The following LCA5 variants were observed in gnomAD, a reference collection of about 807,000 sequenced individuals.
LCA5 encodes lebercilin.
A neutral mutation model predicts 53.0 loss-of-function variants in LCA5; 37 were observed. The observed-to-expected ratio is 0.70, with a 90% CI of 0.54 to 0.92. The LOEUF is 0.92. LCA5 is among the 40% of genes least tolerant of loss of function. The pLI, the probability that LCA5 is intolerant of heterozygous loss-of-function variation, is 0.00. For synonymous variants in LCA5, 303 were observed against 282.9 expected (o/e 1.07, Z -0.71); for missense variants, 806 against 790.5 (o/e 1.02, Z -0.23).
At chr6:79,490,942 C>T (rs1769820215) in intron 6 of LCA5, among the ~76,000 whole-genome samples, 1 of 151,928 alleles carries the variant, frequency 6.6e-6, no homozygotes, top group Admixed American at 6.6e-5. Flanking sequence ...CCAACAGAGA[C>T]CCCTTGAATT....
chr6:79,530,846 A>C (rs1004182863), intron 1 of LCA5, among the ~76,000 whole-genome samples: 3 of 152,204 alleles, frequency 2.0e-5, no homozygotes, highest in African/African-American at 7.2e-5. Flanking sequence ...ATAGAATATA[A>C]GTTAAATAAA....
chr6:79,501,993 G>A (rs189820258), intron 3 of LCA5, among the ~76,000 whole-genome samples: 16 of 152,122 alleles, frequency 1.1e-4, no homozygotes, highest in Admixed American at 5.9e-4. Context: ...GCAGGGCAGT[G>A]GGGGGAAGAA....
intron 4 of LCA5, among the ~76,000 whole-genome samples, chr6:79,493,397 G>A (rs1769893051): frequency 6.6e-6 from 1 of 152,006 alleles, no homozygotes; most frequent in African/African-American, 2.4e-5. Flanking sequence ...TTCTATTGGT[G>A]TATTCAGTGT....
intron 3 of LCA5, among the ~76,000 whole-genome samples, chr6:79,503,839 T>C (rs1275051501): frequency 3.3e-5 from 5 of 152,378 alleles, no homozygotes; most frequent in Non-Finnish European, 1.5e-5. Flanking sequence ...CAGAACTTAA[T>C]AGGTTAAAGG....
intron 3 of LCA5, among the ~76,000 whole-genome samples, chr6:79,495,800 A>G (rs1428771391): frequency 1.3e-5 from 2 of 151,694 alleles, no homozygotes; most frequent in Non-Finnish European, 2.9e-5. Flanking sequence ...GGTTTCACAC[A>G]CTGCAAATAC....
chr6:79,509,381 G>T (rs935569802), intron 3 of LCA5, among the ~76,000 whole-genome samples: 2 of 151,192 alleles, frequency 1.3e-5, no homozygotes, highest in Non-Finnish European at 2.9e-5. Flanking sequence ...TTGAACCCAG[G>T]AGGTGGAGGT....
At chr6:79,516,319 T>C (rs891130258) in intron 2 of LCA5, among the ~76,000 whole-genome samples, 3 of 151,966 alleles carry the variant, frequency 2.0e-5, no homozygotes, top group Non-Finnish European at 2.9e-5. Context: ...ATGGGATATA[T>C]ACTCAGCTCT....
chr6:79,505,198 A>C (rs1256952942), intron 3 of LCA5, among the ~76,000 whole-genome samples: 1 of 152,176 alleles, frequency 6.6e-6, no homozygotes, highest in African/African-American at 2.4e-5. Flanking sequence ...GTAGTTTCTA[A>C]GGACACTGCA....
upstream of LCA5, among the ~76,000 whole-genome samples, chr6:79,537,611 G>A (rs1767193372): frequency 6.6e-6 from 1 of 152,228 alleles, no homozygotes; most frequent in Non-Finnish European, 1.5e-5. Context: ...TAGGGAAATT[G>A]GGGCAAAACG....
At chr6:79,518,570 A>G in intron 2 of LCA5, 135 bp downstream of exon 2, 2 of 775,156 alleles carry the variant, frequency 2.6e-6, no homozygotes, top group Non-Finnish European at 4.5e-6. Context: ...TATATAACCT[A>G]TAAAACGTAA....
At chr6:79,503,173 C>T (rs997477159) in intron 3 of LCA5, among the ~76,000 whole-genome samples, 6 of 152,324 alleles carry the variant, frequency 3.9e-5, no homozygotes, top group South Asian at 2.1e-4. Flanking sequence ...TGAGCTACTG[C>T]ACCCGGCCAT....
At chr6:79,529,607 G>A (rs1379972508) in intron 1 of LCA5, among the ~76,000 whole-genome samples, 1 of 152,000 alleles carries the variant, frequency 6.6e-6, no homozygotes, top group Non-Finnish European at 1.5e-5. Flanking sequence ...CAGGAAGATG[G>A]TAACCCCGCA....
intron 3 of LCA5, among the ~76,000 whole-genome samples, chr6:79,500,584 T>C (rs1770111608): frequency 1.3e-5 from 2 of 152,302 alleles, no homozygotes; most frequent in South Asian, 2.1e-4. Context: ...CTTACAGTAA[T>C]ACTTTTTTAC....
chr6:79,533,594 A>T (rs1417358190), intron 1 of LCA5, among the ~76,000 whole-genome samples: 1 of 151,912 alleles, frequency 6.6e-6, no homozygotes, highest in East Asian at 1.9e-4. Flanking sequence ...AAAAAAAAAA[A>T]AGTAAAAAGT....
intron 3 of LCA5, among the ~76,000 whole-genome samples, chr6:79,504,083 T>C (rs1037387325): frequency 6.6e-6 from 1 of 152,162 alleles, no homozygotes; most frequent in Non-Finnish European, 1.5e-5. Flanking sequence ...AAGGCCAATT[T>C]AATCCTCCCA....
chr6:79,518,028 C>A (rs1218422850), intron 2 of LCA5, among the ~76,000 whole-genome samples: 13 of 152,160 alleles, frequency 8.5e-5, no homozygotes, highest in Non-Finnish European at 1.9e-4. Flanking sequence ...GTAAACCTTA[C>A]ATATTTTGTT....
In LCA5 at chr6:79,495,069, G is replaced by C. The variant is rs1044776220; in HGVS notation, c.721-1319C>G. Among the ~76,000 whole-genome samples the C allele has an allele frequency of 5.9e-5, 9 of 152,320 alleles. No individual in the cohort carries two copies. In the East Asian group the frequency reaches 1.7e-3, roughly 29 times the overall value. ...TGCACAGCAGGAGGTGAGTGGCAGC[G>C]AGCAAGCGCGAGCATTACCACTTGA... On this transcript the variant is annotated intron_variant, in intron 3 of 7. Transcript: ENST00000369846.
At chr6:79,536,935 C>T (rs911307320) in intron 1 of LCA5, among the ~76,000 whole-genome samples, 1 of 152,202 alleles carries the variant, frequency 6.6e-6, no homozygotes, top group Non-Finnish European at 1.5e-5. Context: ...AACCTCCCTT[C>T]CTCGGGACCC....
intron 6 of LCA5, among the ~76,000 whole-genome samples, chr6:79,490,387 G>A (rs1294288557): frequency 6.6e-6 from 1 of 152,038 alleles, no homozygotes; most frequent in East Asian, 1.9e-4. Flanking sequence ...AGAAAGCTGA[G>A]GCTCCAAGAA....
Sources: allele counts gnomAD v4.1 joint callset (sites outside exome capture counted in the v4.1 genomes callset), GRCh38; gene constraint gnomAD v4.1.1; transcripts MANE v1.5; gene names NCBI Gene and HGNC (gene_info 2026-07-23, HGNC 2026-07-21).